Variants in HLA-C observed in about 807,000 individuals in gnomAD.
HLA-C encodes HLA class I histocompatibility antigen, C alpha chain.
HLA-C carries 15 observed loss-of-function variants against 36.9 expected under a neutral mutation model. The observed-to-expected ratio is 0.41, with a 90% CI of 0.27 to 0.63. The LOEUF (loss-of-function observed/expected upper bound fraction) is 0.63, where lower values mean the gene tolerates loss of function less well. HLA-C is among the 20% of genes least tolerant of loss of function. The probability of loss-of-function intolerance (pLI) is 0.35; values close to 1 mark genes in which losing one functional copy is unlikely to be tolerated. For synonymous variants in HLA-C, 104 were observed against 174.3 expected (o/e 0.60, Z 3.18); for missense variants, 272 against 400.4 (o/e 0.68, Z 2.74).
chr6:31,271,949 C>A, intron 1 of HLA-C, 50 bp downstream of exon 1: 1 of 1,093,940 alleles, frequency 9.1e-7, no homozygotes, highest in South Asian at 1.5e-5. Flanking sequence ...GCCGGGAGGG[C>A]CCCTCGCTCC....
rs2308575 is a variant in HLA-C at position 31,271,280 on chromosome 6, C to T, written c.412G>A (p.Asp138Asn). 9.8e-3 allele frequency: 10,904 copies of T among 1,107,370 alleles called. 1,150 individuals carry two copies. The highest frequency in any genetic ancestry group is 0.049 in the Admixed American group (1,659 of 34,146). 68.6% of individuals were successfully genotyped at this position (1,107,370 alleles called of 1,614,324 possible). The change falls in exon 3 of 8, where the codon GAC (aspartate) becomes AAC (asparagine). Residue 138 changes from aspartate to asparagine, a missense_variant. Coordinates refer to ENST00000376228, the Ensembl canonical transcript of HLA-C. The stretch of plus-strand genomic sequence containing the variant: ...TCCTTGCCGTCGTAGGCGGACTGGT[C>T]ATACCCGCGGAGGAGGCGCCCGTCG...
rs41544614 is a variant in HLA-C, at chr6:31,271,024, C to G, written c.619+49G>C. 3.2e-3 allele frequency: 2,693 copies of G among 853,072 alleles called. 150 individuals are homozygous for G. The highest frequency in any genetic ancestry group is 0.03 in the East Asian group (405 of 13,610). 52.8% of individuals were successfully genotyped at this position (853,072 alleles called of 1,614,324 possible). A position where few individuals can be genotyped will look rare whatever the true frequency, so the allele number is the denominator to read the frequency against. ...TCCTCCCCTCCTCGTGGGAGGCCAT[C>G]CCGGGAGATCTATAGGAGATGGGGA... On this transcript the variant is annotated intron_variant, in intron 3 of 7. Transcript: ENST00000376228.
Position 31,270,195 on chromosome 6 carries a change from C to T in HLA-C, c.895+15G>A, listed in dbSNP as rs766839243. The T allele has an allele frequency of 2.4e-6, 2 of 833,878 alleles. 1 individual carries two copies. Among genetic ancestry groups the T allele is most frequent in the Non-Finnish European group, 3.0e-6 (2 of 660,912 alleles). The allele number at this position is 833,878 out of a possible 1,614,324, so 51.7% of individuals were successfully genotyped here. A position where few individuals can be genotyped will look rare whatever the true frequency, so the allele number is the denominator to read the frequency against. On this transcript the variant is annotated intron_variant, in intron 4 of 7. Transcript: ENST00000376228. ...TTCTCTGATAAGAGATGTGACCCCCCATTCCCCTCCTTACCCCAGCTCAGG... is the reference window on the plus strand; with the variant it reads ...TTCTCTGATAAGAGATGTGACCCCCTATTCCCCTCCTTACCCCAGCTCAGG...
At chr6:31,269,293 T>TC (rs1761114137) in intron 7 of HLA-C, 45 bp downstream of exon 7, 1 of 893,616 alleles carries the variant, frequency 1.1e-6, no homozygotes, top group Non-Finnish European at 1.5e-6. Context: ...CCAGGCCTTT[T>TC]CCCTCTGCCC....
At chr6:31,268,985 T>C (rs550708188) in exon 8 of HLA-C, 2 of 652,146 alleles carry the variant, frequency 3.1e-6, no homozygotes, top group East Asian at 2.8e-5. Flanking sequence ...GGAACACAGG[T>C]CAGTGTGGGG....
intron 2 of HLA-C, 47 bp from the exon 3 acceptor site, chr6:31,271,395 C>G: frequency 2.5e-6 from 2 of 809,488 alleles, no homozygotes; most frequent in Non-Finnish European, 1.6e-6. Flanking sequence ...CCCCGCCCCG[C>G]CCCGACCAAC....
intron 7 of HLA-C, 48 bp downstream of exon 7, chr6:31,269,290 T>G: frequency 2.3e-6 from 2 of 887,940 alleles, no homozygotes; most frequent in Non-Finnish European, 3.0e-6. Context: ...TACCCAGGCC[T>G]TTTCCCTCTG....
rs1131123 is a variant in HLA-C at position 31,271,601 on chromosome 6, T to A, written c.341A>T (p.Asp114Val). Residue 114 changes from aspartate to valine, a missense_variant and splice_region_variant, in exon 2 of 8, where the codon GAC becomes GTC. Transcript: ENST00000376228. ...CGCCCCGGGCCGGGGTCACTCACCG[T>A]CCTCGCTCTGGTTGTAGTAGCCGCG... 5 of 1,143,468 alleles carry A rather than the reference T, an allele frequency of 4.4e-6. 1 individual carries two copies. Among genetic ancestry groups the A allele is most frequent in the Non-Finnish European group, 4.7e-6 (4 of 855,450 alleles). 70.8% of individuals were successfully genotyped at this position (1,143,468 alleles called of 1,614,324 possible). A position where few individuals can be genotyped will look rare whatever the true frequency, so the allele number is the denominator to read the frequency against.
intron 1 of HLA-C, 24 bp downstream of exon 1, chr6:31,271,975 C>A (rs9264671): frequency 0.04 from 36,468 of 915,420 alleles, 3,729 homozygotes; most frequent in East Asian, 0.14. Context: ...GCAGAGGCCG[C>A]TTCCCTCCCA....
chr6:31,270,069 G>A (rs11757919), exon 5 of HLA-C: 13,185 of 836,076 alleles, frequency 0.016, 5,588 homozygotes, highest in Middle Eastern at 0.13. Context: ...TGGGGATGGT[G>A]GGCTGGGAAG....
At chr6:31,269,096 G>C in exon 8 of HLA-C, 1 of 1,004,156 alleles carries the variant, frequency 1.0e-6, no homozygotes, top group Non-Finnish European at 1.5e-6. Context: ...AGAAAGAGAT[G>C]CCAGAGGCTC....
intron 2 of HLA-C, 50 bp from the exon 3 acceptor site, chr6:31,271,398 C>A: frequency 2.4e-6 from 2 of 839,648 alleles, no homozygotes; most frequent in East Asian, 6.3e-5. Context: ...CGCCCCGCCC[C>A]GACCAACCCG....
At position 31,271,133 on chromosome 6, in the gene HLA-C, T is replaced by G. The variant is rs1050685; in HGVS notation, c.559A>C (p.Thr187Pro). The G allele has an allele frequency of 1.6e-3, 1,791 of 1,104,408 alleles. 4 individuals are homozygous for G. The highest frequency in any genetic ancestry group is 7.6e-3 in the African/African-American group (258 of 33,924). 68.4% of individuals were successfully genotyped at this position (1,104,408 alleles called of 1,614,324 possible). The change falls in exon 3 of 8, where the codon ACG becomes CCG. Residue 187 changes from threonine to proline, a missense_variant. By Grantham distance (38) the Thr-to-Pro change is conservative (BLOSUM62 -1). Transcript: ENST00000376228. ...TATCTGCGGAGCCACTCCACGCACG[T>G]GCCCTCCAGGTAGGCTCTCAGCTGC... is the stretch of plus-strand genomic sequence containing the variant.
At position 31,269,384 on chromosome 6, in the gene HLA-C, GCCT is replaced by G; in HGVS notation, c.1049-2_1049del. 2.3e-6 allele frequency: 2 copies of G among 874,290 alleles called. No individual in the cohort carries two copies. The highest frequency in any genetic ancestry group is 2.9e-6 in the Non-Finnish European group (2 of 681,602). 54.2% of individuals were successfully genotyped at this position (874,290 alleles called of 1,614,324 possible). A position where few individuals can be genotyped will look rare whatever the true frequency, so the allele number is the denominator to read the frequency against. On this transcript the variant is annotated splice_acceptor_variant and coding_sequence_variant, in exon 7 of 8. Transcript: ENST00000376228. LOFTEE classifies it high-confidence loss of function. The stretch of plus-strand genomic sequence containing the variant: ...CATCAGAGCCCTGGGCACTGTTGCT[GCCT>G]GGGGTAGAACAAAAAAAAAGACCTG...
Position 31,269,127 on chromosome 6 carries a change from T to A in HLA-C, c.*42A>T, listed in dbSNP as rs183137172. The A allele has an allele frequency of 1.3e-3, 1,869 of 1,392,242 alleles. 2 individuals are homozygous for A. The highest frequency in any genetic ancestry group is 5.9e-3 in the Middle Eastern group (31 of 5,240). The allele number at this position is 1,392,242 out of a possible 1,614,324, so 86.2% of individuals were successfully genotyped here. On this transcript the variant is annotated 3_prime_UTR_variant, in exon 8 of 8. Transcript: ENST00000376228. Reference sequence around the variant, plus strand: ...GGCTCTTGAAGTCACAAAGGAGAGGTGTGAAGAAATCCTGCATCTCAGTCC... The same window carrying A: ...GGCTCTTGAAGTCACAAAGGAGAGGAGTGAAGAAATCCTGCATCTCAGTCC...
exon 8 of HLA-C, chr6:31,268,991 TG>T: frequency 1.5e-6 from 1 of 678,564 alleles, no homozygotes. Context: ...CAGGTCAGTG[TG>T]GGGACAGGGG....
intron 2 of HLA-C, 25 bp from the exon 3 acceptor site, chr6:31,271,373 C>T (rs767749366): frequency 1.1e-6 from 1 of 892,078 alleles, no homozygotes; most frequent in South Asian, 1.9e-5. Context: ...GCGGTCAGCC[C>T]AGTCCCCCGA....
chr6:31,270,229 C>T lies in HLA-C; in HGVS notation c.876G>A (p.Glu292=), dbSNP rs760860472. 26 of 840,816 alleles carry T rather than the reference C, an allele frequency of 3.1e-5. 10 individuals are homozygous for T. The Admixed American group carries it at 1.0e-3, about 34-fold the overall frequency. The allele number at this position is 840,816 out of a possible 1,614,324, so 52.1% of individuals were successfully genotyped here. A position where few individuals can be genotyped will look rare whatever the true frequency, so the allele number is the denominator to read the frequency against. The change falls in exon 4 of 8, where the codon GAG becomes GAA. Residue 292 remains glutamate, a synonymous_variant. Coordinates refer to ENST00000376228, the Ensembl canonical transcript of HLA-C. Reference sequence around the variant, plus strand: ...CCTTACCCCAGCTCAGGGTGAGGGGCTCTTGCAGCCCCTCGTGCTGCATAT... The same window carrying T: ...CCTTACCCCAGCTCAGGGTGAGGGGTTCTTGCAGCCCCTCGTGCTGCATAT...
chr6:31,269,114 C>A, exon 8 of HLA-C: 3 of 1,357,712 alleles, frequency 2.2e-6, no homozygotes, highest in South Asian at 2.3e-5. Context: ...CTCTTGAAGT[C>A]ACAAAGGAGA....
Sources: gnomAD v4.1 joint callset for allele counts on GRCh38, gnomAD v4.1.1 for gene constraint, MANE v1.5 for transcripts, NCBI Gene and HGNC (gene_info 2026-07-23, HGNC 2026-07-21) for gene names.